Variants in ZSCAN5A observed in about 807,000 individuals in gnomAD.
The protein encoded by ZSCAN5A is zinc finger and SCAN domain-containing protein 5A.
Under a neutral mutation model 23.7 loss-of-function variants are expected in ZSCAN5A, and 12 were observed. That is an observed-to-expected ratio of 0.51 (90% confidence interval 0.32 to 0.82). The LOEUF is 0.82. Among genes scored for constraint, ZSCAN5A ranks in the 40% least tolerant of loss-of-function variants. The pLI, the probability that ZSCAN5A is intolerant of heterozygous loss-of-function variation, is 0.03. For missense variants in ZSCAN5A, 597 were observed against 617.9 expected, an observed-to-expected ratio of 0.97 and a Z score of 0.36; for synonymous variants, 257 against 239.9, an observed-to-expected ratio of 1.07 and a Z score of -0.66.
At chr19:56,336,856 C>T (rs1440264492) in intron 2 of ZSCAN5A, among the ~76,000 whole-genome samples, 1 of 152,170 alleles carries the variant, frequency 6.6e-6, no homozygotes, top group South Asian at 2.1e-4. Flanking sequence ...CACTCCAGAC[C>T]CTGTTTGCCT....
chr19:56,244,215 C>T (rs767121277), intron 2 of ZSCAN5A: 2 of 1,607,800 alleles, frequency 1.2e-6, no homozygotes, highest in Non-Finnish European at 1.7e-6. Flanking sequence ...GAGTCGGACC[C>T]CATCCAGGCT....
At chr19:56,225,936 A>G (rs2033889252) in intron 2 of ZSCAN5A, among the ~76,000 whole-genome samples, 1 of 151,910 alleles carries the variant, frequency 6.6e-6, no homozygotes, top group South Asian at 2.1e-4. Flanking sequence ...ATCTCAGAAA[A>G]TGGATTTAAA....
At chr19:56,281,881 G>A (rs749224218) in intron 2 of ZSCAN5A, among the ~76,000 whole-genome samples, 16 of 152,280 alleles carry the variant, frequency 1.1e-4, no homozygotes, top group South Asian at 6.2e-4. Context: ...GGGTGGGAAC[G>A]GTGCAACTGG....
At chr19:56,258,144 G>A (rs2036851970) in intron 2 of ZSCAN5A, among the ~76,000 whole-genome samples, 3 of 152,250 alleles carry the variant, frequency 2.0e-5, no homozygotes, top group African/African-American at 7.2e-5. Context: ...GGGGGATTCT[G>A]CAAGCCTTTC....
rs548337104 is a variant in ZSCAN5A at position 56,295,826 on chromosome 19, C to G, written c.-128+17457G>C. The G allele has an allele frequency of 5.8e-5, 9 of 153,862 alleles. No homozygotes were observed. In the Admixed American group the frequency reaches 5.9e-4, roughly 10 times the overall value. 9.5% of individuals were successfully genotyped at this position (153,862 alleles called of 1,614,324 possible). On this transcript the variant is annotated intron_variant, in intron 2 of 5. Coordinates refer to ENST00000683990, the MANE Select transcript of ZSCAN5A (RefSeq NM_001322064.3). The stretch of plus-strand genomic sequence containing the variant: ...TCCTGTGCTCCCATCGCTCTGTCTT[C>G]TGATGTTGTGATTTTTCCCTACATG...
At chr19:56,237,758 A>G (rs1485672479) in intron 2 of ZSCAN5A, among the ~76,000 whole-genome samples, 1 of 151,850 alleles carries the variant, frequency 6.6e-6, no homozygotes, top group Non-Finnish European at 1.5e-5. Flanking sequence ...CGTCTCTACA[A>G]ATAATATAAA....
intron 5 of ZSCAN5A, 36 bp downstream of exon 5, chr19:56,222,555 G>A (rs752853584): frequency 6.2e-7 from 1 of 1,610,958 alleles, no homozygotes; most frequent in African/African-American, 1.3e-5. Flanking sequence ...CAGAAGAGAG[G>A]GACTAACCCC....
rs547955348 is a variant in ZSCAN5A at position 56,339,071 on chromosome 19, T to G, written c.-357-22803A>C. Among the ~76,000 whole-genome samples, 3 of 152,386 alleles carry G rather than the reference T, an allele frequency of 2.0e-5. No individual in the cohort carries two copies. In the South Asian group the frequency reaches 6.2e-4, roughly 32 times the overall value. On this transcript the variant is annotated intron_variant, in intron 2 of 6. Transcript: ENST00000587340. ...GGCATTGTCATCTTTTCATTGTAAC[T>G]AATTACAGACTGCACTGGATTTGTG...
intron 2 of ZSCAN5A, among the ~76,000 whole-genome samples, chr19:56,247,942 A>G (rs10853887): frequency 0.52 from 78,851 of 151,820 alleles, 22,665 homozygotes; most frequent in Non-Finnish European, 0.66. Context: ...CGCCCGCCTC[A>G]CCCTCCCAAA....
intron 2 of ZSCAN5A, chr19:56,342,700 CAT>C: frequency 1.6e-6 from 1 of 634,060 alleles, no homozygotes; most frequent in South Asian, 1.9e-5. Flanking sequence ...AGTAACTATA[CAT>C]CTGTTTTTCC....
chr19:56,272,055 C>T (rs1397020134), intron 2 of ZSCAN5A, among the ~76,000 whole-genome samples: 1 of 152,112 alleles, frequency 6.6e-6, no homozygotes, highest in Non-Finnish European at 1.5e-5. Flanking sequence ...ATCATTATCC[C>T]AACTTTATAG....
intron 2 of ZSCAN5A, among the ~76,000 whole-genome samples, chr19:56,264,982 T>C (rs60994843): frequency 0.057 from 8,712 of 151,730 alleles, 812 homozygotes; most frequent in African/African-American, 0.2. Flanking sequence ...ATTAGCCAGG[T>C]GTGGTGGCAG....
chr19:56,240,527 G>A (rs2035350316), intron 2 of ZSCAN5A, among the ~76,000 whole-genome samples: 3 of 152,146 alleles, frequency 2.0e-5, no homozygotes, highest in Admixed American at 6.5e-5. Flanking sequence ...GAGGCATAAG[G>A]CGGGAAGGAG....
intron 2 of ZSCAN5A, among the ~76,000 whole-genome samples, chr19:56,232,931 C>T (rs1166812916): frequency 6.6e-6 from 1 of 152,140 alleles, no homozygotes; most frequent in Non-Finnish European, 1.5e-5. Flanking sequence ...ATCCACCAGC[C>T]TCAGCTTCTT....
intron 2 of ZSCAN5A, among the ~76,000 whole-genome samples, chr19:56,290,900 A>G (rs1331099511): frequency 6.6e-6 from 1 of 152,116 alleles, no homozygotes; most frequent in Non-Finnish European, 1.5e-5. Flanking sequence ...GGTGCTGGGA[A>G]GAAGAGGCAA....
chr19:56,344,134 C>T (rs1397481332), intron 2 of ZSCAN5A, among the ~76,000 whole-genome samples: 1 of 152,228 alleles, frequency 6.6e-6, no homozygotes, highest in Non-Finnish European at 1.5e-5. Flanking sequence ...CTAACCTCCA[C>T]ACTGTCCTTG....
At chr19:56,222,529 C>G in intron 5 of ZSCAN5A, 62 bp downstream of exon 5, 1 of 1,582,928 alleles carries the variant, frequency 6.3e-7, no homozygotes, top group Non-Finnish European at 8.6e-7. Context: ...AATGCTGGGC[C>G]CCCAGCCCCG....
chr19:56,331,272 C>A (rs1272154605), intron 2 of ZSCAN5A, among the ~76,000 whole-genome samples: 3 of 152,056 alleles, frequency 2.0e-5, no homozygotes, highest in Non-Finnish European at 2.9e-5. Flanking sequence ...ATTGCTTTGA[C>A]AATTCAGGCT....
intron 2 of ZSCAN5A, among the ~76,000 whole-genome samples, chr19:56,261,383 A>T (rs2146860807): frequency 6.6e-6 from 1 of 152,182 alleles, no homozygotes; most frequent in Middle Eastern, 3.4e-3. Context: ...TCCATTAATC[A>T]TGGAGGACTT....
Sources: allele counts gnomAD v4.1 joint callset (sites outside exome capture counted in the v4.1 genomes callset), GRCh38; gene constraint gnomAD v4.1.1; transcripts MANE v1.5; gene names NCBI Gene and HGNC (gene_info 2026-07-23, HGNC 2026-07-21).